The following PDE4D variants were observed in gnomAD, a reference collection of about 807,000 sequenced individuals.
PDE4D encodes phosphodiesterase 4D.
In PDE4D, 24 loss-of-function variants were observed where a neutral mutation model predicts 87.4. The ratio of observed to expected loss-of-function variants is 0.27; its 90% CI spans 0.20 to 0.39. The LOEUF (loss-of-function observed/expected upper bound fraction) is 0.39, where lower values mean the gene tolerates loss of function less well. PDE4D is among the 10% of genes least tolerant of loss of function. PDE4D has a pLI of 1.00. For missense variants in PDE4D, 714 were observed against 1,041.0 expected (o/e 0.69, Z 4.32); for synonymous variants, 384 against 383.2 (o/e 1.00, Z -0.02).
At chr5:60,202,848 A>G (rs1421921076) in intron 1 of PDE4D, among the ~76,000 whole-genome samples, 1 of 152,180 alleles carries the variant, frequency 6.6e-6, no homozygotes, top group African/African-American at 2.4e-5. Flanking sequence ...ATTTCTAGAT[A>G]TTTGATGTAT....
chr5:60,431,722 G>C (rs994389678), intron 1 of PDE4D, among the ~76,000 whole-genome samples: 1 of 152,202 alleles, frequency 6.6e-6, no homozygotes, highest in Admixed American at 6.5e-5. Flanking sequence ...CAAGGCAGGC[G>C]GCTGGGAGGT....
chr5:59,762,330 G>C, intron 1 of PDE4D, among the ~76,000 whole-genome samples: 1 of 129,670 alleles, frequency 7.7e-6, no homozygotes, highest in South Asian at 2.3e-4. Context: ...ACACATATGC[G>C]TATATGGGTA....
chr5:59,327,910 G>C (rs1404178204), intron 1 of PDE4D, among the ~76,000 whole-genome samples: 4 of 152,090 alleles, frequency 2.6e-5, no homozygotes, highest in East Asian at 1.9e-4. Flanking sequence ...GTATATTCTA[G>C]AGGTGGATAA....
At chr5:59,745,068 T>C (rs1472255378) in intron 1 of PDE4D, among the ~76,000 whole-genome samples, 2 of 152,170 alleles carry the variant, frequency 1.3e-5, no homozygotes, top group African/African-American at 4.8e-5. Flanking sequence ...TAAAAAGCAA[T>C]GGTGTCACAT....
chr5:59,478,746 A>G (rs985396148), intron 1 of PDE4D, among the ~76,000 whole-genome samples: 11 of 152,090 alleles, frequency 7.2e-5, no homozygotes, highest in African/African-American at 2.7e-4. Flanking sequence ...AAGACATAAA[A>G]TAACTGAGGA....
chr5:59,324,741 A>C (rs1309908202), intron 1 of PDE4D, among the ~76,000 whole-genome samples: 1 of 152,080 alleles, frequency 6.6e-6, no homozygotes, highest in African/African-American at 2.4e-5. Flanking sequence ...AGTGACTTGG[A>C]GCCTCCCACC....
At chr5:60,148,168 C>T (rs1417949769) in intron 2 of PDE4D, among the ~76,000 whole-genome samples, 2 of 152,070 alleles carry the variant, frequency 1.3e-5, no homozygotes, top group Admixed American at 1.3e-4. Context: ...GCAGTAGTTC[C>T]TAACTTTTTT....
intron 1 of PDE4D, among the ~76,000 whole-genome samples, chr5:60,296,959 G>A (rs575785225): frequency 2.5e-4 from 38 of 152,236 alleles, no homozygotes; most frequent in African/African-American, 8.7e-4. Flanking sequence ...GGGGCAAGGG[G>A]AGGGATGGCA....
chr5:60,215,928 T>C (rs562584090), intron 1 of PDE4D, among the ~76,000 whole-genome samples: 1 of 152,222 alleles, frequency 6.6e-6, no homozygotes, highest in Non-Finnish European at 1.5e-5. Flanking sequence ...AGCAACTATG[T>C]TGTTTATCTG....
intron 1 of PDE4D, among the ~76,000 whole-genome samples, chr5:59,408,407 T>C (rs1307188713): frequency 6.6e-6 from 1 of 152,140 alleles, no homozygotes; most frequent in Non-Finnish European, 1.5e-5. Flanking sequence ...TCAGAAAGCC[T>C]GGGTGTCCAG....
intron 2 of PDE4D, among the ~76,000 whole-genome samples, chr5:60,092,037 C>T (rs1424433155): frequency 7.3e-5 from 8 of 109,520 alleles, no homozygotes; most frequent in South Asian, 2.8e-4. Flanking sequence ...GGCGACAGAG[C>T]GAAACTCCGT....
chr5:60,203,116 C>A (rs1239393400), intron 1 of PDE4D, among the ~76,000 whole-genome samples: 2 of 152,142 alleles, frequency 1.3e-5, no homozygotes, highest in African/African-American at 2.4e-5. Context: ...GGATTACAGG[C>A]ACCCACCACT....
chr5:59,341,762 T>C (rs1243545035), intron 1 of PDE4D, among the ~76,000 whole-genome samples: 1 of 152,150 alleles, frequency 6.6e-6, no homozygotes, highest in East Asian at 1.9e-4. Flanking sequence ...CTTTGAATCA[T>C]GGGCACTATA....
chr5:60,245,915 T>C (rs1017395051), intron 1 of PDE4D, among the ~76,000 whole-genome samples: 6 of 151,778 alleles, frequency 4.0e-5, no homozygotes, highest in South Asian at 2.1e-4. Context: ...CAGTTTTAAA[T>C]AACTAAAAGA....
rs1241165489 is a variant in PDE4D, at chr5:59,031,828, C to G, written c.921+7031G>C. Reference sequence around the variant, plus strand: ...ATTATGCTAAGTGAGATAAGTCAGGCACAGAAAGACAAATATTGTCTTTAA... The same window carrying G: ...ATTATGCTAAGTGAGATAAGTCAGGGACAGAAAGACAAATATTGTCTTTAA... On this transcript the variant is annotated intron_variant, in intron 6 of 14. Coordinates refer to ENST00000340635, the MANE Select transcript of PDE4D (RefSeq NM_001104631.2). 2.0e-5 allele frequency among the ~76,000 whole-genome samples: 3 copies of G among 150,688 alleles called. No individual in the cohort carries two copies. In the East Asian group the frequency reaches 5.8e-4, roughly 29 times the overall value.
intron 1 of PDE4D, among the ~76,000 whole-genome samples, chr5:59,323,419 T>C (rs1020905302): frequency 2.0e-5 from 3 of 152,092 alleles, no homozygotes; most frequent in African/African-American, 7.2e-5. Context: ...CTGGAATACT[T>C]CTCTTGAATT....
chr5:59,235,236 C>T (rs1283170077), intron 1 of PDE4D, among the ~76,000 whole-genome samples: 1 of 152,150 alleles, frequency 6.6e-6, no homozygotes, highest in East Asian at 1.9e-4. Context: ...CTTGCCATGT[C>T]CAAAAAGAGT....
Position 60,375,910 on chromosome 5 carries a change from G to A in PDE4D, c.-90+112032C>T, listed in dbSNP as rs184647231. Among the ~76,000 whole-genome samples, 837 of 152,188 alleles carry A rather than the reference G, an allele frequency of 5.5e-3. 4 individuals carry two copies. The highest frequency in any genetic ancestry group is 0.019 in the African/African-American group (803 of 41,512). On this transcript the variant is annotated intron_variant, in intron 1 of 16. Coordinates refer to the PDE4D transcript ENST00000502484. ...AACAATTAGCTGGGTGTGGTGGTACGCGCCTGTAGTCCCAGCTACTTGGGA... is the reference window on the plus strand; with the variant it reads ...AACAATTAGCTGGGTGTGGTGGTACACGCCTGTAGTCCCAGCTACTTGGGA...
intron 1 of PDE4D, among the ~76,000 whole-genome samples, chr5:59,750,133 C>T (rs186651095): frequency 1.4e-3 from 200 of 145,956 alleles, no homozygotes; most frequent in Non-Finnish European, 2.6e-3. Context: ...TTCTCTAGTC[C>T]ACACTGCCAA....
Sources: allele counts gnomAD v4.1 joint callset (sites outside exome capture counted in the v4.1 genomes callset), GRCh38; gene constraint gnomAD v4.1.1; transcripts MANE v1.5; gene names NCBI Gene and HGNC (gene_info 2026-07-23, HGNC 2026-07-21).